The following KAZN variants were observed in gnomAD, a reference collection of about 807,000 sequenced individuals.
KAZN encodes the protein kazrin.
In KAZN, 40 loss-of-function variants were observed where a neutral mutation model predicts 87.4. That is an observed-to-expected ratio of 0.46 (90% CI 0.36 to 0.60). KAZN has a LOEUF of 0.60. KAZN is among the 20% of genes least tolerant of loss of function. The probability of loss-of-function intolerance (pLI) is 0.00; values close to 1 mark genes in which losing one functional copy is unlikely to be tolerated. For missense variants in KAZN, 898 were observed against 1,073.9 expected (o/e 0.84, Z 2.29); for synonymous variants, 466 against 458.3 (o/e 1.02, Z -0.22).
intron 1 of KAZN, among the ~76,000 whole-genome samples, chr1:14,612,507 A>G (rs1677900753): frequency 1.3e-5 from 2 of 152,194 alleles, no homozygotes; most frequent in East Asian, 1.9e-4. Flanking sequence ...GGAATGAGCG[A>G]GGCCTGATTC....
chr1:14,680,665 G>A lies in KAZN; in HGVS notation c.226+81442G>A, dbSNP rs190764132. ...GTGTGATGTTCCCCTCCCTATGTCC[G>A]TGTGTTCTCATTGTTTAACTCCCAT... On this transcript the variant is annotated intron_variant, in intron 1 of 14. Transcript: ENST00000376030. 2.7e-3 allele frequency among the ~76,000 whole-genome samples: 405 copies of A among 152,018 alleles called. 2 individuals carry two copies. The highest frequency in any genetic ancestry group is 9.1e-3 in the African/African-American group (377 of 41,466).
At chr1:15,093,849 G>A (rs574296758) in intron 8 of KAZN, among the ~76,000 whole-genome samples, 3 of 152,332 alleles carry the variant, frequency 2.0e-5, no homozygotes, top group Non-Finnish European at 2.9e-5. Flanking sequence ...AGGCAGGTTT[G>A]TGTGACCCAG....
chr1:13,954,155 G>C (rs1641455898), intron 1 of KAZN, among the ~76,000 whole-genome samples: 1 of 152,128 alleles, frequency 6.6e-6, no homozygotes, highest in African/African-American at 2.4e-5. Context: ...AGTGAGCCGA[G>C]ATTGCGCCAC....
chr1:14,564,716 C>G (rs10737898), intron 2 of KAZN, among the ~76,000 whole-genome samples: 150,252 of 152,048 alleles, frequency 0.99, 74,268 homozygotes, highest in Middle Eastern at 1. Context: ...AGGAGGCTGA[C>G]GCAGGAGAAT....
Position 14,168,402 on chromosome 1 carries a change from A to G in KAZN, c.92-12033A>G, listed in dbSNP as rs1290462501. Reference sequence around the variant, plus strand: ...TTCTTTACGGAGTTCTGGGATGCGCAGAGGGAGACGCTGAATGTGAAAGCG... The same window carrying G: ...TTCTTTACGGAGTTCTGGGATGCGCGGAGGGAGACGCTGAATGTGAAAGCG... On this transcript the variant is annotated intron_variant, in intron 1 of 16. Coordinates refer to the KAZN transcript ENST00000636203. Among the ~76,000 whole-genome samples the G allele has an allele frequency of 2.6e-5, 4 of 152,156 alleles. No homozygotes were observed. The East Asian group carries it at 7.7e-4, about 29-fold the overall frequency.
At chr1:14,271,315 G>T (rs1026317302) in intron 2 of KAZN, among the ~76,000 whole-genome samples, 3 of 152,160 alleles carry the variant, frequency 2.0e-5, no homozygotes, top group African/African-American at 7.2e-5. Context: ...TATAAATTTT[G>T]GTAGCAGGTA....
chr1:15,101,787 G>T lies in KAZN; in HGVS notation c.1779+13G>T. ...CTTCAGCAGGGAGGTGAGGACCAGG[G>T]CACAGGGTGGGGGCACCTTCCACTG... On this transcript the variant is annotated intron_variant, in intron 11 of 14. Coordinates refer to ENST00000376030, the MANE Select transcript of KAZN (RefSeq NM_201628.3). The T allele has an allele frequency of 6.4e-7, 1 of 1,551,496 alleles. No homozygotes were observed. The highest frequency in any genetic ancestry group is 8.7e-7 in the Non-Finnish European group (1 of 1,144,380).
chr1:14,249,898 A>G (rs903577775), intron 2 of KAZN, among the ~76,000 whole-genome samples: 46 of 148,086 alleles, frequency 3.1e-4, no homozygotes, highest in African/African-American at 1.2e-3. Flanking sequence ...CTTAGGCAGA[A>G]ACTTCTTCTT....
At chr1:14,056,151 A>T (rs7539258) in intron 1 of KAZN, among the ~76,000 whole-genome samples, 1 of 152,174 alleles carries the variant, frequency 6.6e-6, no homozygotes, top group East Asian at 1.9e-4. Context: ...CCTTTGCCCA[A>T]CTGTGGTTGG....
At chr1:14,261,899 C>G (rs1571170022) in intron 2 of KAZN, among the ~76,000 whole-genome samples, 1 of 152,116 alleles carries the variant, frequency 6.6e-6, no homozygotes, top group Non-Finnish European at 1.5e-5. Context: ...AGGAGGTCAT[C>G]CGAGACCCAC....
intron 2 of KAZN, among the ~76,000 whole-genome samples, chr1:14,347,842 T>C (rs934059877): frequency 1.3e-5 from 2 of 152,012 alleles, no homozygotes; most frequent in African/African-American, 2.4e-5. Flanking sequence ...CTGAAGTTTC[T>C]ACAATGGGCA....
intron 1 of KAZN, among the ~76,000 whole-genome samples, chr1:14,858,185 T>G (rs1193524472): frequency 6.8e-6 from 1 of 145,988 alleles, no homozygotes; most frequent in East Asian, 2.0e-4. Context: ...GCCACATTTC[T>G]TTCTTTTTTT....
intron 1 of KAZN, among the ~76,000 whole-genome samples, chr1:14,788,856 A>G (rs1645588991): frequency 6.6e-6 from 1 of 152,146 alleles, no homozygotes; most frequent in Admixed American, 6.5e-5. Context: ...AGGCATGTGG[A>G]CAGCCACCTC....
Position 13,917,659 on chromosome 1 carries a change from T to C in KAZN, c.91+23903T>C, listed in dbSNP as rs374884021. On this transcript the variant is annotated intron_variant, in intron 1 of 16. Transcript: ENST00000636203. ...AAAAATTTTTTAAAAATTAGCTGGGTGTAGTGATGCAGCTGTGGTCCCAGC... is the reference window on the plus strand; with the variant it reads ...AAAAATTTTTTAAAAATTAGCTGGGCGTAGTGATGCAGCTGTGGTCCCAGC... Among the ~76,000 whole-genome samples, 7 of 150,686 alleles carry C rather than the reference T, an allele frequency of 4.6e-5. No homozygotes were observed. In the East Asian group the frequency reaches 1.4e-3, roughly 29 times the overall value.
intron 1 of KAZN, among the ~76,000 whole-genome samples, chr1:14,116,384 G>T (rs12096108): frequency 0.084 from 12,753 of 152,208 alleles, 1,036 homozygotes; most frequent in African/African-American, 0.21. Flanking sequence ...TGGCTGACAG[G>T]GGCCAACATA....
intron 1 of KAZN, among the ~76,000 whole-genome samples, chr1:14,104,462 G>A (rs1250738193): frequency 6.6e-6 from 1 of 152,190 alleles, no homozygotes; most frequent in Admixed American, 6.5e-5. Flanking sequence ...TGTTGAGAGA[G>A]CACCCCCTTG....
At chr1:13,925,639 C>T (rs1205284058) in intron 1 of KAZN, among the ~76,000 whole-genome samples, 1 of 152,140 alleles carries the variant, frequency 6.6e-6, no homozygotes, top group Non-Finnish European at 1.5e-5. Flanking sequence ...CACTTGGGAC[C>T]TTGTAGACTG....
intron 4 of KAZN, among the ~76,000 whole-genome samples, chr1:15,045,228 G>A (rs578771): frequency 0.77 from 116,866 of 152,056 alleles, 45,705 homozygotes; most frequent in African/African-American, 0.92. Context: ...GTAGGGGAAG[G>A]GGGAGGACGT....
intron 2 of KAZN, among the ~76,000 whole-genome samples, chr1:14,414,662 A>G (rs1313321333): frequency 6.6e-6 from 1 of 152,146 alleles, no homozygotes; most frequent in African/African-American, 2.4e-5. Context: ...TGTAGCAAAA[A>G]TAGAAAACCA....
Sources: gnomAD v4.1 joint callset for allele counts (sites outside exome capture counted in the v4.1 genomes callset) on GRCh38, gnomAD v4.1.1 for gene constraint, MANE v1.5 for transcripts, NCBI Gene and HGNC (gene_info 2026-07-23, HGNC 2026-07-21) for gene names.